The following CLCN6 variants were observed in gnomAD, a reference collection of about 807,000 sequenced individuals.
CLCN6 encodes H(+)/Cl(-) exchange transporter 6.
In CLCN6, 70 loss-of-function variants were observed where a neutral mutation model predicts 109.8. The ratio of observed to expected loss-of-function variants is 0.64; its 90% CI spans 0.53 to 0.78. The LOEUF (loss-of-function observed/expected upper bound fraction) is 0.78. Among genes scored for constraint, CLCN6 ranks in the 30% least tolerant of loss-of-function variants. The pLI, the probability that CLCN6 is intolerant of heterozygous loss-of-function variation, is 0.00. For missense variants in CLCN6, 984 were observed against 1,142.3 expected (o/e 0.86, Z 2.00); for synonymous variants, 444 against 447.8 (o/e 0.99, Z 0.11).
chr1:11,838,298 T>TG, intron 20 of CLCN6, 37 bp from the exon 21 acceptor site: 1 of 1,594,002 alleles, frequency 6.3e-7, no homozygotes, highest in Non-Finnish European at 8.6e-7. Flanking sequence ...TGGCCACTGC[T>TG]GCCTGAGCAC....
chr1:11,825,145 C>T (rs1644796172), intron 8 of CLCN6, among the ~76,000 whole-genome samples: 1 of 152,226 alleles, frequency 6.6e-6, no homozygotes, highest in Admixed American at 6.5e-5. Flanking sequence ...CTCCAGATCC[C>T]TGGCTGCTGT....
In CLCN6 at chr1:11,840,014, G is replaced by A; in HGVS notation, c.2530-129G>A. 3 of 763,020 alleles carry A rather than the reference G, an allele frequency of 3.9e-6. No individual in the cohort carries two copies. The South Asian group carries it at 4.4e-5, about 11-fold the overall frequency. 47.3% of individuals were successfully genotyped at this position (763,020 alleles called of 1,614,324 possible). ...CTCGTTAGCTGTTTATCCCAATCAAGCTGTGTCTGGCTGTGCACTATCCAG... is the reference window on the plus strand; with the variant it reads ...CTCGTTAGCTGTTTATCCCAATCAAACTGTGTCTGGCTGTGCACTATCCAG... On this transcript the variant is annotated intron_variant, in intron 22 of 22. Coordinates refer to ENST00000346436, the MANE Select transcript of CLCN6 (RefSeq NM_001286.5).
chr1:11,826,943 G>A (rs1644819032), intron 9 of CLCN6, 146 bp from the exon 10 acceptor site: 1 of 935,464 alleles, frequency 1.1e-6, no homozygotes. Flanking sequence ...TCGCGGCAAA[G>A]GCTGCCTCAC....
intron 12 of CLCN6, 60 bp downstream of exon 12, chr1:11,828,684 C>T (rs527646819): frequency 1.8e-5 from 27 of 1,512,298 alleles, no homozygotes; most frequent in South Asian, 1.3e-4. Flanking sequence ...TGGTGTGGGC[C>T]GCGCCATCTC....
Position 11,824,571 on chromosome 1 carries a change from G to A in CLCN6, c.648+18G>A, listed in dbSNP as rs74053322. 8,346 of 1,610,434 alleles carry A rather than the reference G, an allele frequency of 5.2e-3. 323 individuals carry two copies. The African/African-American group carries it at 0.092, about 18-fold the overall frequency. ...TCCCTCAGGTAAGATGGGCTGAGAG[G>A]GTGTGGGCCTCTGGGCAGGCCTAGT... On this transcript the variant is annotated intron_variant, in intron 8 of 22. Coordinates refer to ENST00000346436, the MANE Select transcript of CLCN6 (RefSeq NM_001286.5).
chr1:11,809,784 T>G (rs972590323), intron 2 of CLCN6, among the ~76,000 whole-genome samples: 1 of 152,228 alleles, frequency 6.6e-6, no homozygotes, highest in South Asian at 2.1e-4. Context: ...CATGGGTTAA[T>G]GTTCTTTTGA....
chr1:11,834,750 TG>T lies in CLCN6; in HGVS notation c.1793+163del, dbSNP rs1467064265. Among the ~76,000 whole-genome samples the T allele has an allele frequency of 1.3e-5, 2 of 152,116 alleles. No individual in the cohort carries two copies. The highest frequency in any genetic ancestry group is 2.9e-5 in the Non-Finnish European group (2 of 68,000). On this transcript the variant is annotated intron_variant, in intron 17 of 22. Coordinates refer to ENST00000346436, the MANE Select transcript of CLCN6 (RefSeq NM_001286.5). The surrounding 1 kb of genome is among the most constrained non-coding windows in gnomAD (Gnocchi z 4.5). ...ATGTGTGAGAATGTGGAGCAGCCCA[TG>T]GGCTGGGGGCTGCGGGGGCAGGGCA...
chr1:11,838,380 T>C lies in CLCN6; in HGVS notation c.2341T>C (p.Tyr781His). The change falls in exon 21 of 23, where the codon TAC (tyrosine) becomes CAC (histidine). Residue 781 changes from tyrosine (Y) to histidine (H), a missense_variant. Physicochemically the swap from Tyr to His is moderately conservative, Grantham distance 83 (BLOSUM62 2). Coordinates refer to ENST00000346436, the MANE Select transcript of CLCN6 (RefSeq NM_001286.5). ...RLSYAEMAED[Y>H]PRYPDIHDLD... ...CTCCTATGCCGAGATGGCCGAGGAC[T>C]ACCCGCGGTACCCCGACATCCACGA... is the stretch of plus-strand genomic sequence containing the variant. 1 of 1,613,866 alleles carries C rather than the reference T, an allele frequency of 6.2e-7. No homozygotes were observed. The highest frequency in any genetic ancestry group is 8.5e-7 in the Non-Finnish European group (1 of 1,179,992).
rs1350403864 is a variant in CLCN6 at position 11,834,294 on chromosome 1, T to C, written c.1585T>C (p.Phe529Leu). The C allele has an allele frequency of 1.2e-6, 2 of 1,614,008 alleles. No individual in the cohort carries two copies. Among genetic ancestry groups the C allele is most frequent in the Non-Finnish European group, 1.7e-6 (2 of 1,180,020 alleles). The change falls in exon 16 of 23, where the codon TTC becomes CTC. Residue 529 changes from phenylalanine (F) to leucine (L), a missense_variant. Phe to Leu is a conservative substitution (Grantham distance 22). Coordinates refer to ENST00000346436, the MANE Select transcript of CLCN6 (RefSeq NM_001286.5). This position sits in a 1 kb window ranked among gnomAD's most constrained non-coding sequence, Gnocchi z 4.5. ...GTFALIGAAA[F>L]LGGVVRMTIS... ...CTTTGCCCTGATTGGTGCAGCGGCT[T>C]TCTTGGGCGGGGTGGTCCGCATGAC...
At chr1:11,821,167 T>C (rs984989742) in intron 5 of CLCN6, among the ~76,000 whole-genome samples, 1 of 150,172 alleles carries the variant, frequency 6.7e-6, no homozygotes, top group African/African-American at 2.4e-5. Flanking sequence ...AAACTCCAAA[T>C]AACAACAATA....
At chr1:11,819,261 C>T (rs558195440) in intron 4 of CLCN6, among the ~76,000 whole-genome samples, 1 of 152,340 alleles carries the variant, frequency 6.6e-6, no homozygotes, top group East Asian at 1.9e-4. Flanking sequence ...CTTCACTCAA[C>T]TTAGCTGTAC....
chr1:11,830,737 T>TTATATA (rs369772847), intron 13 of CLCN6, among the ~76,000 whole-genome samples: 1,221 of 91,016 alleles, frequency 0.013, 16 homozygotes, highest in African/African-American at 0.029. Context: ...TATGTATATA[T>TTATATA]TATATATATA....
rs1010691032 is a variant in CLCN6, at chr1:11,816,634, C to T, written c.233C>T (p.Ala78Val). 6 of 1,612,866 alleles carry T rather than the reference C, an allele frequency of 3.7e-6. No individual in the cohort carries two copies. Among genetic ancestry groups the T allele is most frequent in the African/African-American group, 2.7e-5 (2 of 74,876 alleles). The change falls in exon 4 of 23, where the codon GCG (alanine) becomes GTG (valine). Residue 78 changes from alanine (A) to valine (V), a missense_variant. Transcript: ENST00000346436. ...MDNKKGRRYEAVKWMVVFAIG... is the reference protein window; with the variant it reads ...MDNKKGRRYEVVKWMVVFAIG... ...GAACAGAAAGGTCGAAGATATGAGG[C>T]GGTGAAGTGGATGGTGGTGTTTGCC... is the stretch of plus-strand genomic sequence containing the variant.
At chr1:11,832,289 A>G (rs1644891970) in intron 13 of CLCN6, among the ~76,000 whole-genome samples, 1 of 152,260 alleles carries the variant, frequency 6.6e-6, no homozygotes, top group South Asian at 2.1e-4. Context: ...GAGTTTAGAG[A>G]CAAAGCCATC....
chr1:11,839,894 A>G (rs1644997716), intron 22 of CLCN6, among the ~76,000 whole-genome samples: 1 of 152,236 alleles, frequency 6.6e-6, no homozygotes, highest in East Asian at 1.9e-4. Flanking sequence ...AGCGCTGAGC[A>G]TGTGCCCTGT....
At chr1:11,827,309 A>G in intron 10 of CLCN6, 88 bp downstream of exon 10, 7 of 1,315,272 alleles carry the variant, frequency 5.3e-6, no homozygotes, top group Middle Eastern at 5.4e-4. Context: ...GGTAGTTTTG[A>G]TGAGACTGGG....
At chr1:11,835,665 G>A (rs1269878156) in intron 17 of CLCN6, among the ~76,000 whole-genome samples, 2 of 152,200 alleles carry the variant, frequency 1.3e-5, no homozygotes, top group African/African-American at 4.8e-5. Flanking sequence ...CGAGGAGGGC[G>A]TGGCCAGCCC....
rs778128835 is a variant in CLCN6, at chr1:11,837,016, C to G, written c.1998C>G (p.Thr666=). 5.6e-6 allele frequency: 9 copies of G among 1,610,856 alleles called. No individual in the cohort carries two copies. Among genetic ancestry groups the G allele is most frequent in the Non-Finnish European group, 7.6e-6 (9 of 1,180,016 alleles). ...NIKFKKSSIL[T]RAGEQRKRSQ... Reference sequence around the variant, plus strand: ...ACCCACAGAAATCCAGCATCCTCACCCGGGCTGGCGAGCAGCGCAAACGGA... The same window carrying G: ...ACCCACAGAAATCCAGCATCCTCACGCGGGCTGGCGAGCAGCGCAAACGGA... The change falls in exon 19 of 23, where the codon ACC becomes ACG. Residue 666 remains threonine (T), a synonymous_variant. Coordinates refer to ENST00000346436, the MANE Select transcript of CLCN6 (RefSeq NM_001286.5).
chr1:11,807,134 A>T lies in CLCN6; in HGVS notation c.91A>T (p.Ile31Phe). ...CTCTGCGGATCTGTTTTTCTAGACC[A>T]TCCTTGGAGAAACACAGGAGGAGGA... is the stretch of plus-strand genomic sequence containing the variant. ...RETRTPEELT[I>F]LGETQEEEDE... The change falls in exon 2 of 23, where the codon ATC (isoleucine) becomes TTC (phenylalanine). Residue 31 changes from isoleucine to phenylalanine, a missense_variant. Ile to Phe is a conservative substitution (Grantham distance 21, BLOSUM62 0). Coordinates refer to ENST00000346436, the MANE Select transcript of CLCN6 (RefSeq NM_001286.5). 1 of 1,614,170 alleles carries T rather than the reference A, an allele frequency of 6.2e-7. No homozygotes were observed. The highest frequency in any genetic ancestry group is 8.5e-7 in the Non-Finnish European group (1 of 1,179,986).
Sources: allele counts gnomAD v4.1 joint callset (sites outside exome capture counted in the v4.1 genomes callset), GRCh38; gene constraint gnomAD v4.1.1; non-coding constraint Gnocchi (gnomAD v3.1); transcripts MANE v1.5; gene names NCBI Gene and HGNC (gene_info 2026-07-23, HGNC 2026-07-21).